The following LINC00305 variants were observed in gnomAD, a reference collection of about 807,000 sequenced individuals.
LINC00305 encodes long intergenic non-protein coding RNA 305.
At chr18:64,141,827 A>T (rs1219560663) in intron 1 of LINC00305, among the ~76,000 whole-genome samples, 1 of 152,232 alleles carries the variant, frequency 6.6e-6, no homozygotes, top group Non-Finnish European at 1.5e-5. Flanking sequence ...AATGTACTTT[A>T]GCATTATATG....
chr18:64,141,053 A>AG, intron 1 of LINC00305, among the ~76,000 whole-genome samples: 2 of 1,710 alleles, frequency 1.2e-3, no homozygotes, highest in Admixed American at 9.2e-3. Flanking sequence ...CCTGAATGAT[A>AG]AAAAAAAAAA....
intron 1 of LINC00305, among the ~76,000 whole-genome samples, chr18:64,143,533 A>T (rs2051474969): frequency 7.7e-6 from 1 of 129,566 alleles, no homozygotes; most frequent in Admixed American, 7.5e-5. Context: ...TATTATGTGT[A>T]CATATATATG....
intron 3 of LINC00305, among the ~76,000 whole-genome samples, chr18:64,087,790 A>G (rs937254846): frequency 2.6e-5 from 4 of 152,170 alleles, no homozygotes; most frequent in African/African-American, 7.2e-5. Context: ...CCATTACTCA[A>G]TAGAAATTCA....
intron 1 of LINC00305, among the ~76,000 whole-genome samples, chr18:64,110,685 A>AT (rs994885658): frequency 5.3e-5 from 8 of 151,310 alleles, no homozygotes; most frequent in East Asian, 3.9e-4. Context: ...ATTTTAGATA[A>AT]TTTTTTTTTG....
At chr18:64,096,575 G>A (rs760529050) in intron 3 of LINC00305, among the ~76,000 whole-genome samples, 24 of 151,690 alleles carry the variant, frequency 1.6e-4, no homozygotes, top group African/African-American at 5.3e-4. Context: ...AATGTCGAGC[G>A]TTAACTATCA....
intron 1 of LINC00305, among the ~76,000 whole-genome samples, chr18:64,109,796 G>A (rs1347969692): frequency 1.3e-5 from 2 of 152,186 alleles, no homozygotes; most frequent in East Asian, 3.9e-4. Flanking sequence ...CGTTGGACAT[G>A]GAAGAGGATT....
intron 1 of LINC00305, among the ~76,000 whole-genome samples, chr18:64,107,560 T>C (rs972766667): frequency 3.3e-5 from 5 of 152,310 alleles, no homozygotes; most frequent in African/African-American, 1.2e-4. Flanking sequence ...TTCTGACTGA[T>C]GAAAATGAAT....
At chr18:64,082,274 A>G (rs993964922) in intron 3 of LINC00305, among the ~76,000 whole-genome samples, 3 of 151,956 alleles carry the variant, frequency 2.0e-5, no homozygotes, top group African/African-American at 4.8e-5. Context: ...ATCTGGCCCA[A>G]TCAGGAACAG....
At chr18:64,128,073 C>T (rs1323399911) in intron 1 of LINC00305, among the ~76,000 whole-genome samples, 1 of 152,016 alleles carries the variant, frequency 6.6e-6, no homozygotes, top group Non-Finnish European at 1.5e-5. Flanking sequence ...CATCCAATGT[C>T]ACTGCATGAG....
chr18:64,140,980 C>A (rs565067523), intron 1 of LINC00305, among the ~76,000 whole-genome samples: 1 of 149,120 alleles, frequency 6.7e-6, no homozygotes, highest in East Asian at 2.0e-4. Flanking sequence ...CAGCTGTCAG[C>A]CAGCAAGGCG....
chr18:64,101,435 G>C (rs982090581), intron 1 of LINC00305, among the ~76,000 whole-genome samples: 3 of 152,164 alleles, frequency 2.0e-5, no homozygotes, highest in Non-Finnish European at 4.4e-5. Flanking sequence ...TCTGGTGGTT[G>C]CTGGCAATTT....
At chr18:64,134,702 T>C (rs1444083055) in intron 1 of LINC00305, among the ~76,000 whole-genome samples, 1 of 152,208 alleles carries the variant, frequency 6.6e-6, no homozygotes, top group Non-Finnish European at 1.5e-5. Flanking sequence ...ATTTATTTAC[T>C]TGTCAGATTT....
chr18:64,122,426 ATTTATT>A (rs2051366090), intron 1 of LINC00305, among the ~76,000 whole-genome samples: 1 of 152,024 alleles, frequency 6.6e-6, no homozygotes, highest in Non-Finnish European at 1.5e-5. Flanking sequence ...TTCCCAGACT[ATTTATT>A]GAAAAGGTTG....
At chr18:64,086,359 T>G (rs1387679119) in intron 3 of LINC00305, among the ~76,000 whole-genome samples, 1 of 152,198 alleles carries the variant, frequency 6.6e-6, no homozygotes, top group Non-Finnish European at 1.5e-5. Context: ...TATCAAAATC[T>G]GACCACAGTG....
intron 1 of LINC00305, among the ~76,000 whole-genome samples, chr18:64,115,307 G>C (rs1436240013): frequency 2.6e-5 from 4 of 152,196 alleles, no homozygotes; most frequent in Non-Finnish European, 4.4e-5. Context: ...TTCCATTAGG[G>C]CATGAACACA....
At position 64,100,030 on chromosome 18, in the gene LINC00305, C is replaced by T. The variant is rs190948661; in HGVS notation, n.315-1390G>A. ...TTAGTAGCAGTCTCTATTTATAATGCAACCCTACTTCGACATAGCACATAT... is the reference window on the plus strand; with the variant it reads ...TTAGTAGCAGTCTCTATTTATAATGTAACCCTACTTCGACATAGCACATAT... On this transcript the variant is annotated intron_variant and non_coding_transcript_variant, in intron 1 of 3. Transcript: ENST00000666468. Among the ~76,000 whole-genome samples the T allele has an allele frequency of 3.4e-3, 514 of 152,282 alleles. 9 individuals carry two copies. The highest frequency in any genetic ancestry group is 2.9e-3 in the East Asian group (15 of 5,192).
chr18:64,098,477 A>G (rs918160978), intron 2 of LINC00305: 5 of 416,164 alleles, frequency 1.2e-5, no homozygotes, highest in Non-Finnish European at 2.3e-5. Context: ...CATAAGTAAC[A>G]TTCTAATTTG....
At chr18:64,088,190 A>G (rs936610222) in intron 3 of LINC00305, among the ~76,000 whole-genome samples, 1 of 151,982 alleles carries the variant, frequency 6.6e-6, no homozygotes, top group Non-Finnish European at 1.5e-5. Flanking sequence ...GCAGCTCTGG[A>G]ACAGTCATGG....
At chr18:64,108,259 A>C (rs981710266) in intron 1 of LINC00305, among the ~76,000 whole-genome samples, 2 of 152,224 alleles carry the variant, frequency 1.3e-5, no homozygotes, top group African/African-American at 4.8e-5. Context: ...CATGCTAAGA[A>C]CTTGCTTAAA....
Sources: allele counts gnomAD v4.1 joint callset (sites outside exome capture counted in the v4.1 genomes callset), GRCh38; gene constraint gnomAD v4.1.1; transcripts MANE v1.5; gene names NCBI Gene and HGNC (gene_info 2026-07-23, HGNC 2026-07-21).